Variants in TCF12 observed in about 807,000 individuals in gnomAD.
TCF12 encodes the protein DNA-binding protein HTF4.
A neutral mutation model predicts 86.0 loss-of-function variants in TCF12; 45 were observed. That is an observed-to-expected ratio of 0.52 (90% CI 0.41 to 0.67). The LOEUF (loss-of-function observed/expected upper bound fraction) is 0.67, where lower values mean the gene tolerates loss of function less well. Among genes scored for constraint, TCF12 ranks in the 30% least tolerant of loss-of-function variants. TCF12 has a pLI of 0.00. For synonymous variants in TCF12, 330 were observed against 299.6 expected (o/e 1.10, Z -1.05); for missense variants, 881 against 859.9 (o/e 1.02, Z -0.31).
At chr15:57,228,551 T>C (rs2058990687) in intron 8 of TCF12, among the ~76,000 whole-genome samples, 1 of 152,042 alleles carries the variant, frequency 6.6e-6, no homozygotes, top group Non-Finnish European at 1.5e-5. Flanking sequence ...AACTTCAAAA[T>C]TTTTGCGTAA....
intron 4 of TCF12, among the ~76,000 whole-genome samples, chr15:57,089,143 C>T (rs747360761): frequency 6.6e-6 from 1 of 152,196 alleles, no homozygotes; most frequent in Admixed American, 6.5e-5. Flanking sequence ...CATCAGTTTG[C>T]ACCTGTAGAT....
At chr15:57,170,540 G>C (rs1199717473) in intron 6 of TCF12, among the ~76,000 whole-genome samples, 2 of 143,148 alleles carry the variant, frequency 1.4e-5, no homozygotes, top group African/African-American at 5.3e-5. Flanking sequence ...AATTCATGTG[G>C]CCCACATAAC....
intron 5 of TCF12, among the ~76,000 whole-genome samples, chr15:57,135,345 CAT>C (rs2052444449): frequency 6.6e-6 from 1 of 152,018 alleles, no homozygotes; most frequent in Admixed American, 6.5e-5. Context: ...CAAATGAAAA[CAT>C]GTATTCTGAG....
At chr15:57,150,981 T>G (rs2151456834) in intron 5 of TCF12, among the ~76,000 whole-genome samples, 1 of 147,134 alleles carries the variant, frequency 6.8e-6, no homozygotes, top group East Asian at 2.1e-4. Flanking sequence ...CCCTTTCCCC[T>G]TTTTTCTCCT....
At chr15:57,027,434 G>C (rs28799617) in intron 3 of TCF12, among the ~76,000 whole-genome samples, 1 of 152,200 alleles carries the variant, frequency 6.6e-6, no homozygotes, top group Admixed American at 6.5e-5. Context: ...AGTTTTCCAC[G>C]TGCCAGTGCT....
chr15:57,096,023 T>C (rs2049296541), intron 5 of TCF12, among the ~76,000 whole-genome samples: 2 of 152,346 alleles, frequency 1.3e-5, no homozygotes, highest in Middle Eastern at 3.4e-3. Flanking sequence ...CTTAGTTGAA[T>C]GCTGTTTCCA....
At chr15:57,033,778 A>G (rs2066343408) in intron 3 of TCF12, among the ~76,000 whole-genome samples, 1 of 152,178 alleles carries the variant, frequency 6.6e-6, no homozygotes, top group Non-Finnish European at 1.5e-5. Context: ...AAACCCTTCA[A>G]TTTCACAGCT....
At chr15:57,219,770 G>A (rs2058499862) in intron 8 of TCF12, among the ~76,000 whole-genome samples, 1 of 143,176 alleles carries the variant, frequency 7.0e-6, no homozygotes, top group African/African-American at 2.5e-5. Context: ...CTGTCACCCA[G>A]GATGGAGTGC....
In TCF12 at chr15:57,218,963, G is replaced by C. The variant is rs2058451039; in HGVS notation, c.580-12189G>C. 14 of 919,690 alleles carry C rather than the reference G, an allele frequency of 1.5e-5. No individual in the cohort carries two copies. In the South Asian group the frequency reaches 4.1e-4, roughly 27 times the overall value. 57.0% of individuals were successfully genotyped at this position (919,690 alleles called of 1,614,324 possible). ...ATTTTGTACAAGATTTAACTGTCTA[G>C]ATCCTTCTTGTTACACATGATTCAG... On this transcript the variant is annotated intron_variant, in intron 8 of 20. Coordinates refer to ENST00000333725, the MANE Select transcript of TCF12 (RefSeq NM_207037.2).
intron 3 of TCF12, among the ~76,000 whole-genome samples, chr15:57,062,828 A>G (rs975600240): frequency 4.6e-5 from 7 of 152,190 alleles, no homozygotes; most frequent in African/African-American, 1.4e-4. Context: ...AAAGAAGTCA[A>G]CTATTTCTGT....
chr15:57,259,334 A>C (rs1340638176), intron 16 of TCF12, among the ~76,000 whole-genome samples: 1 of 152,230 alleles, frequency 6.6e-6, no homozygotes, highest in African/African-American at 2.4e-5. Flanking sequence ...CAATCTGTGT[A>C]TTAATAGTGA....
chr15:57,177,369 A>C (rs1193780137), intron 6 of TCF12, among the ~76,000 whole-genome samples: 1 of 150,558 alleles, frequency 6.6e-6, no homozygotes, highest in African/African-American at 2.5e-5. Flanking sequence ...TCCCAGGTTC[A>C]AGCAGTTCTT....
intron 8 of TCF12, among the ~76,000 whole-genome samples, chr15:57,210,465 A>C (rs2058055481): frequency 6.6e-6 from 1 of 152,104 alleles, no homozygotes; most frequent in East Asian, 1.9e-4. Flanking sequence ...AGAAAACTAA[A>C]AGTCTTTTCA....
chr15:57,220,545 G>A (rs1290457041), intron 8 of TCF12, among the ~76,000 whole-genome samples: 7 of 152,060 alleles, frequency 4.6e-5, no homozygotes, highest in African/African-American at 1.7e-4. Flanking sequence ...TGTACTTCTG[G>A]TTGATTTATA....
chr15:56,932,337 C>T (rs1328612260), intron 3 of TCF12, among the ~76,000 whole-genome samples: 1 of 152,030 alleles, frequency 6.6e-6, no homozygotes, highest in Non-Finnish European at 1.5e-5. Context: ...TTTCTTATTG[C>T]CCCTCAGAAG....
chr15:57,178,715 G>T (rs569009231), intron 6 of TCF12, among the ~76,000 whole-genome samples: 2 of 152,118 alleles, frequency 1.3e-5, no homozygotes, highest in Non-Finnish European at 1.5e-5. Context: ...GTAAATTCAG[G>T]CATTCAGAAA....
intron 3 of TCF12, among the ~76,000 whole-genome samples, chr15:56,926,397 A>G (rs1485331469): frequency 6.6e-6 from 1 of 152,216 alleles, no homozygotes; most frequent in Non-Finnish European, 1.5e-5. Flanking sequence ...GAAAATGTCA[A>G]CAAACACACA....
intron 13 of TCF12, among the ~76,000 whole-genome samples, chr15:57,246,015 C>G (rs1175342745): frequency 7.4e-6 from 1 of 134,448 alleles, no homozygotes; most frequent in African/African-American, 3.3e-5. Flanking sequence ...TATTCACTGT[C>G]AAAGGGAAAA....
chr15:56,961,317 T>G (rs2061742248), intron 3 of TCF12, among the ~76,000 whole-genome samples: 1 of 152,154 alleles, frequency 6.6e-6, no homozygotes, highest in African/African-American at 2.4e-5. Flanking sequence ...CGTTTTGGAT[T>G]TGTAAACATC....
Sources: gnomAD v4.1 joint callset for allele counts (sites outside exome capture counted in the v4.1 genomes callset) on GRCh38, gnomAD v4.1.1 for gene constraint, MANE v1.5 for transcripts, NCBI Gene and HGNC (gene_info 2026-07-23, HGNC 2026-07-21) for gene names.